The following YTHDC2 variants were observed in gnomAD, a reference collection of about 807,000 sequenced individuals.
YTHDC2 encodes YTH N6-methyladenosine RNA binding protein C2.
In YTHDC2, 45 loss-of-function variants were observed where a neutral mutation model predicts 174.9. That is an observed-to-expected ratio of 0.26 (90% CI 0.20 to 0.33). The LOEUF is 0.33. YTHDC2 is among the 10% of genes least tolerant of loss of function. The probability of loss-of-function intolerance (pLI) is 1.00; values close to 1 mark genes in which losing one functional copy is unlikely to be tolerated. For synonymous variants in YTHDC2, 657 were observed against 574.5 expected, an observed-to-expected ratio of 1.14 and a Z score of -2.05; for missense variants, 1,650 against 1,723.7, an observed-to-expected ratio of 0.96 and a Z score of 0.76.
intron 17 of YTHDC2, among the ~76,000 whole-genome samples, chr5:113,558,776 G>C (rs916825001): frequency 3.9e-5 from 6 of 151,922 alleles, no homozygotes; most frequent in African/African-American, 1.5e-4. Context: ...ACAAAAATTA[G>C]CCAGGTGTGG....
intron 25 of YTHDC2, 109 bp from the exon 26 acceptor site, chr5:113,584,193 G>C (rs1014698658): frequency 7.2e-6 from 6 of 830,484 alleles, no homozygotes; most frequent in Non-Finnish European, 1.1e-5. Flanking sequence ...AGATCATTGG[G>C]ACTTTGGATT....
At chr5:113,549,689 C>A (rs905993748) in intron 12 of YTHDC2, among the ~76,000 whole-genome samples, 5 of 151,998 alleles carry the variant, frequency 3.3e-5, no homozygotes, top group African/African-American at 1.2e-4. Flanking sequence ...TTACAATCTA[C>A]CCCCCACGCA....
At chr5:113,524,807 C>T (rs1774103203) in intron 2 of YTHDC2, among the ~76,000 whole-genome samples, 174 bp from the exon 3 acceptor site, 1 of 152,020 alleles carries the variant, frequency 6.6e-6, no homozygotes. Flanking sequence ...AGTTTTATGG[C>T]CACTTTAGCC....
At chr5:113,547,020 T>G (rs1775926935) in intron 10 of YTHDC2, among the ~76,000 whole-genome samples, 1 of 152,178 alleles carries the variant, frequency 6.6e-6, no homozygotes, top group Non-Finnish European at 1.5e-5. Context: ...ATGACCTAGT[T>G]TCCAGACTTG....
intron 21 of YTHDC2, among the ~76,000 whole-genome samples, chr5:113,566,814 T>C (rs1258215272): frequency 6.6e-6 from 1 of 152,154 alleles, no homozygotes; most frequent in African/African-American, 2.4e-5. Context: ...AGAACTTTAT[T>C]GCAAGAATGT....
intron 18 of YTHDC2, among the ~76,000 whole-genome samples, chr5:113,561,961 T>TGG (rs1777014676): frequency 2.7e-5 from 2 of 72,966 alleles, no homozygotes; most frequent in African/African-American, 5.7e-5. Context: ...ATTGTGGGTG[T>TGG]GTGTGTGTGT....
chr5:113,577,227 G>T (rs539527912), intron 23 of YTHDC2, among the ~76,000 whole-genome samples: 1 of 151,880 alleles, frequency 6.6e-6, no homozygotes, highest in Admixed American at 6.6e-5. Flanking sequence ...CTAATATCTG[G>T]TAGTAGAAGC....
At chr5:113,516,931 G>A (rs917014614) in intron 2 of YTHDC2, among the ~76,000 whole-genome samples, 1 of 152,140 alleles carries the variant, frequency 6.6e-6, no homozygotes, top group African/African-American at 2.4e-5. Context: ...TGGAACAGTG[G>A]TTAGATTCCT....
At chr5:113,578,444 G>A (rs1459659408) in intron 23 of YTHDC2, among the ~76,000 whole-genome samples, 2 of 152,022 alleles carry the variant, frequency 1.3e-5, no homozygotes, top group African/African-American at 4.8e-5. Flanking sequence ...TAGCATTTGA[G>A]CATTTGTTCA....
intron 23 of YTHDC2, among the ~76,000 whole-genome samples, chr5:113,579,051 T>C (rs1778236757): frequency 6.6e-6 from 1 of 152,040 alleles, no homozygotes; most frequent in African/African-American, 2.4e-5. Flanking sequence ...CAGAGGGTTA[T>C]CTATTAATAT....
At chr5:113,533,138 T>G (rs1774796653) in intron 5 of YTHDC2, 93 bp downstream of exon 5, 1 of 1,420,352 alleles carries the variant, frequency 7.0e-7, no homozygotes, top group African/African-American at 1.4e-5. Flanking sequence ...CGTTGAAAAG[T>G]TAGGTGATCA....
intron 18 of YTHDC2, among the ~76,000 whole-genome samples, chr5:113,561,960 GT>G (rs1561675937): frequency 1.5e-3 from 114 of 74,024 alleles, no homozygotes; most frequent in African/African-American, 4.6e-3. Context: ...AATTGTGGGT[GT>G]GTGTGTGTGT....
At chr5:113,515,204 C>A in intron 1 of YTHDC2, 68 bp from the exon 2 acceptor site, 1 of 1,103,060 alleles carries the variant, frequency 9.1e-7, no homozygotes, top group Non-Finnish European at 1.3e-6. Flanking sequence ...TATTTTGTAT[C>A]TGTGTGTTTT....
chr5:113,561,875 C>G (rs928743742), intron 18 of YTHDC2, among the ~76,000 whole-genome samples: 2 of 151,256 alleles, frequency 1.3e-5, no homozygotes, highest in Admixed American at 6.6e-5. Flanking sequence ...AGATAATATC[C>G]AAATCTCACT....
chr5:113,551,454 A>G (rs1776246377), intron 12 of YTHDC2, among the ~76,000 whole-genome samples: 1 of 152,138 alleles, frequency 6.6e-6, no homozygotes. Flanking sequence ...TCCAAAAGTT[A>G]TAGCTTTAAA....
At position 113,584,375 on chromosome 5, in the gene YTHDC2, A is replaced by G; in HGVS notation, c.3721A>G (p.Lys1241Glu). 6.2e-7 allele frequency: 1 copy of G among 1,613,932 alleles called. No homozygotes were observed. The highest frequency in any genetic ancestry group is 8.5e-7 in the Non-Finnish European group (1 of 1,179,874). ...CAAAGATAGAGGAATTTTACATCCT[A>G]AACGAGGTACTGAGGACCGATCAGA... ...KYKDRGILHP[K>E]RGTEDRSDQS... The change falls in exon 26 of 30, where the codon AAA becomes GAA. Residue 1241 changes from lysine to glutamate, a missense_variant. Around this residue, in one of 5 missense-constraint regions of YTHDC2, gnomAD observed 913 missense variants for 940.4 expected, o/e 0.97. Coordinates refer to ENST00000161863, the MANE Select transcript of YTHDC2 (RefSeq NM_022828.5).
chr5:113,542,219 G>C, intron 9 of YTHDC2, 149 bp from the exon 10 acceptor site: 2 of 732,966 alleles, frequency 2.7e-6, no homozygotes, highest in South Asian at 3.7e-5. Flanking sequence ...GATAATGTTT[G>C]TGATGAAAGG....
intron 2 of YTHDC2, among the ~76,000 whole-genome samples, chr5:113,517,873 C>A (rs187177523): frequency 6.6e-6 from 1 of 151,832 alleles, no homozygotes; most frequent in Non-Finnish European, 1.5e-5. Flanking sequence ...TTCTGTTCAC[C>A]CTTTGACTTT....
At chr5:113,535,954 A>G (rs756811226) in intron 7 of YTHDC2, among the ~76,000 whole-genome samples, 156 bp downstream of exon 7, 2 of 152,128 alleles carry the variant, frequency 1.3e-5, no homozygotes, top group Non-Finnish European at 2.9e-5. Flanking sequence ...TCTGTTTTCA[A>G]CTTCTCCTTT....
Sources: gnomAD v4.1 joint callset for allele counts (sites outside exome capture counted in the v4.1 genomes callset) on GRCh38, gnomAD v4.1.1 for gene constraint, gnomAD v4.1.1 regional missense constraint, MANE v1.5 for transcripts, NCBI Gene and HGNC (gene_info 2026-07-23, HGNC 2026-07-21) for gene names.